Variants in ENOX1 observed in about 807,000 individuals in gnomAD.
ENOX1 encodes candidate growth-related and time keeping constitutive hydroquinone (NADH) oxidase.
A neutral mutation model predicts 82.5 loss-of-function variants in ENOX1; 42 were observed. The ratio of observed to expected loss-of-function variants is 0.51; its 90% CI spans 0.40 to 0.66. The LOEUF (loss-of-function observed/expected upper bound fraction) is 0.66. Among genes scored for constraint, ENOX1 ranks in the 30% least tolerant of loss-of-function variants. ENOX1 has a pLI of 0.00. For synonymous variants in ENOX1, 271 were observed against 282.2 expected (o/e 0.96, Z 0.40); for missense variants, 608 against 811.6 (o/e 0.75, Z 3.05).
intron 2 of ENOX1, among the ~76,000 whole-genome samples, chr13:43,574,726 C>T (rs566619025): frequency 5.9e-5 from 9 of 152,288 alleles, no homozygotes; most frequent in Admixed American, 2.6e-4. Context: ...TCTGCCATGC[C>T]TGAATTATCA....
At chr13:43,765,777 G>A (rs1407402915) in intron 1 of ENOX1, among the ~76,000 whole-genome samples, 3 of 152,086 alleles carry the variant, frequency 2.0e-5, no homozygotes, top group African/African-American at 4.8e-5. Context: ...TACCCAGTTC[G>A]TTCAGAAATC....
chr13:43,552,679 A>T (rs1452814149), intron 2 of ENOX1, among the ~76,000 whole-genome samples: 1 of 152,162 alleles, frequency 6.6e-6, no homozygotes, highest in Non-Finnish European at 1.5e-5. Flanking sequence ...GCCTGACATG[A>T]ATGGTTTTGC....
At chr13:43,256,387 T>C (rs1281550764) in intron 14 of ENOX1, among the ~76,000 whole-genome samples, 1 of 151,976 alleles carries the variant, frequency 6.6e-6, no homozygotes, top group East Asian at 1.9e-4. Context: ...TGGGAGAAAA[T>C]ATTTGCAAAC....
intron 13 of ENOX1, among the ~76,000 whole-genome samples, chr13:43,266,541 T>C (rs949452432): frequency 6.6e-6 from 1 of 152,196 alleles, no homozygotes; most frequent in African/African-American, 2.4e-5. Context: ...AAAGGCTCTT[T>C]GGCTCATTTC....
chr13:43,381,927 G>A (rs2153575847), intron 5 of ENOX1, among the ~76,000 whole-genome samples: 1 of 152,108 alleles, frequency 6.6e-6, no homozygotes, highest in East Asian at 1.9e-4. Context: ...TCCTACTCTA[G>A]TAGAGGTTAA....
intron 5 of ENOX1, among the ~76,000 whole-genome samples, chr13:43,366,012 C>T (rs542940495): frequency 6.6e-6 from 1 of 152,308 alleles, no homozygotes; most frequent in South Asian, 2.1e-4. Context: ...AGAGAAGCCA[C>T]GTGATACCTG....
chr13:43,601,027 C>T (rs750360418), intron 2 of ENOX1, among the ~76,000 whole-genome samples: 6 of 152,254 alleles, frequency 3.9e-5, no homozygotes, highest in Middle Eastern at 6.8e-3. Flanking sequence ...ACACTAACAT[C>T]TTTTCAAATA....
At chr13:43,254,406 G>T (rs1224166981) in intron 14 of ENOX1, among the ~76,000 whole-genome samples, 1 of 151,850 alleles carries the variant, frequency 6.6e-6, no homozygotes, top group Non-Finnish European at 1.5e-5. Flanking sequence ...TCTCTATGTG[G>T]TAATATCTAG....
intron 2 of ENOX1, among the ~76,000 whole-genome samples, chr13:43,493,705 T>C (rs1207471384): frequency 2.0e-5 from 3 of 152,190 alleles, no homozygotes; most frequent in African/African-American, 7.2e-5. Flanking sequence ...TCTAATCAAA[T>C]GCCAAAACAG....
chr13:43,377,615 A>T (rs2051732690), intron 5 of ENOX1, among the ~76,000 whole-genome samples: 1 of 152,208 alleles, frequency 6.6e-6, no homozygotes, highest in Non-Finnish European at 1.5e-5. Context: ...AGGTATGGGA[A>T]AAGGTAGAGT....
chr13:43,513,968 C>T (rs1368981355), intron 2 of ENOX1, among the ~76,000 whole-genome samples: 1 of 151,970 alleles, frequency 6.6e-6, no homozygotes, highest in African/African-American at 2.4e-5. Flanking sequence ...TATATTAATG[C>T]AATGTTTGTT....
intron 2 of ENOX1, among the ~76,000 whole-genome samples, chr13:43,612,986 T>C (rs922594383): frequency 2.6e-5 from 4 of 152,190 alleles, no homozygotes; most frequent in African/African-American, 9.6e-5. Context: ...TGATATTTGA[T>C]GATGGCATTT....
At chr13:43,607,873 G>T (rs889442282) in intron 2 of ENOX1, among the ~76,000 whole-genome samples, 1 of 152,170 alleles carries the variant, frequency 6.6e-6, no homozygotes, top group African/African-American at 2.4e-5. Context: ...CTCTGGTAGA[G>T]ACATCCTGTG....
At chr13:43,761,114 G>A (rs542347853) in intron 1 of ENOX1, among the ~76,000 whole-genome samples, 2,267 of 151,872 alleles carry the variant, frequency 0.015, 50 homozygotes, top group African/African-American at 0.05. Flanking sequence ...GAGGCCCAAA[G>A]GTCTTCCTGC....
intron 2 of ENOX1, among the ~76,000 whole-genome samples, chr13:43,641,834 C>CT (rs1372504949): frequency 2.6e-5 from 4 of 151,890 alleles, no homozygotes; most frequent in Admixed American, 2.6e-4. Context: ...AGCTGGGCCA[C>CT]TTTTTAAATT....
At chr13:43,319,272 C>T (rs185215481) in intron 11 of ENOX1, among the ~76,000 whole-genome samples, 1 of 152,096 alleles carries the variant, frequency 6.6e-6, no homozygotes, top group African/African-American at 2.4e-5. Context: ...AGTTTTGCTC[C>T]AGTGAACTCC....
intron 5 of ENOX1, among the ~76,000 whole-genome samples, chr13:43,398,228 A>G (rs1463215512): frequency 6.6e-6 from 1 of 152,234 alleles, no homozygotes; most frequent in Non-Finnish European, 1.5e-5. Context: ...TGTATATGCA[A>G]CTATGTTTTA....
At chr13:43,594,705 C>T (rs1268671721) in intron 2 of ENOX1, among the ~76,000 whole-genome samples, 3 of 152,180 alleles carry the variant, frequency 2.0e-5, no homozygotes, top group African/African-American at 7.2e-5. Flanking sequence ...CTTAATGTCT[C>T]ATGGGCTCAT....
At chr13:43,413,213 T>C (rs1167349116) in intron 3 of ENOX1, among the ~76,000 whole-genome samples, 1 of 152,132 alleles carries the variant, frequency 6.6e-6, no homozygotes, top group Non-Finnish European at 1.5e-5. Context: ...ACCAGGAGCC[T>C]GGGCTGGCTG....
Sources: allele counts gnomAD v4.1 joint callset (sites outside exome capture counted in the v4.1 genomes callset), GRCh38; gene constraint gnomAD v4.1.1; transcripts MANE v1.5; gene names NCBI Gene and HGNC (gene_info 2026-07-23, HGNC 2026-07-21).